CD180: variants seen among roughly 807,000 people sequenced by gnomAD.
CD180 encodes the protein CD180 antigen.
A neutral mutation model predicts 10.7 loss-of-function variants in CD180; 11 were observed. That is an observed-to-expected ratio of 1.03 (90% confidence interval 0.65 to 1.70). The LOEUF is 1.70. Ranked by LOEUF, CD180 falls within the 40% of genes most tolerant of loss-of-function variation. CD180 has a pLI of 0.00. For missense variants in CD180, 729 were observed against 775.2 expected (o/e 0.94, Z 0.71); for synonymous variants, 286 against 294.6 (o/e 0.97, Z 0.30).
intron 1 of CD180, among the ~76,000 whole-genome samples, chr5:67,189,811 TTGAG>T (rs911535443): frequency 6.6e-6 from 1 of 152,132 alleles, no homozygotes. Flanking sequence ...TTCTGTTTGA[TTGAG>T]AGTACACTAC....
At position 67,185,954 on chromosome 5, in the gene CD180, G is replaced by A; in HGVS notation, c.154C>T (p.Pro52Ser). 1.2e-6 allele frequency: 2 copies of A among 1,611,108 alleles called. No individual in the cohort carries two copies. Among genetic ancestry groups the A allele is most frequent in the Non-Finnish European group, 1.7e-6 (2 of 1,178,526 alleles). Residue 52 changes from proline (P) to serine (S), a missense_variant, in exon 2 of 3, where the codon CCA becomes TCA. Coordinates refer to ENST00000256447, the MANE Select transcript of CD180 (RefSeq NM_005582.3). ...LGLSEIPDTL[P>S]NTTEFLEFSF... ...AATTCCAAAAATTCTGTTGTGTTTG[G>A]TAGAGTGTCAGGGATTTCACTGAGA... is the stretch of plus-strand genomic sequence containing the variant.
At chr5:67,188,157 A>G (rs1742237041) in intron 1 of CD180, among the ~76,000 whole-genome samples, 1 of 149,078 alleles carries the variant, frequency 6.7e-6, no homozygotes, top group Admixed American at 6.7e-5. Context: ...CCACAGAGTG[A>G]GACTCTGCCT....
rs930792853 is a variant in CD180 at position 67,184,671 on chromosome 5, T to C, written c.258-86A>G. ...AGTGACACACATTAACAAAGTCATC[T>C]TTTGTATCATTCAAAATCAAATATA... On this transcript the variant is annotated intron_variant, in intron 2 of 2. Transcript: ENST00000256447. 4 of 1,101,336 alleles carry C rather than the reference T, an allele frequency of 3.6e-6. No individual in the cohort carries two copies. The African/African-American group carries it at 4.7e-5, about 13-fold the overall frequency. 68.2% of individuals were successfully genotyped at this position (1,101,336 alleles called of 1,614,324 possible).
In CD180 at chr5:67,184,962, A is replaced by G. The variant is rs1183654138; in HGVS notation, c.258-377T>C. ...GTATAAAATACATATATATATACAC[A>G]CACAAAAATCTGTGTCATCCCGGGC... On this transcript the variant is annotated intron_variant, in intron 2 of 2. Transcript: ENST00000256447. 2.0e-5 allele frequency among the ~76,000 whole-genome samples: 3 copies of G among 152,106 alleles called. No homozygotes were observed. The South Asian group carries it at 6.2e-4, about 32-fold the overall frequency.
rs1742003409 is a variant in CD180, at chr5:67,179,760, T to C, written c.*3097A>G. The C allele has an allele frequency of 6.6e-6, 1 of 152,238 alleles. No individual in the cohort carries two copies. Among genetic ancestry groups the C allele is most frequent in the African/African-American group, 2.4e-5 (1 of 41,462 alleles). 9.4% of individuals were successfully genotyped at this position (152,238 alleles called of 1,614,324 possible). A position where few individuals can be genotyped will look rare whatever the true frequency, so the allele number is the denominator to read the frequency against. Reference sequence around the variant, plus strand: ...CTGTGCTGTACTAAGCAGTGGCTGCTGGCACAGGGAAAGGTGTAATTCTCT... The same window carrying C: ...CTGTGCTGTACTAAGCAGTGGCTGCCGGCACAGGGAAAGGTGTAATTCTCT... On this transcript the variant is annotated 3_prime_UTR_variant, in exon 3 of 3. Coordinates refer to ENST00000256447, the MANE Select transcript of CD180 (RefSeq NM_005582.3).
chr5:67,193,038 T>C (rs1426594276), intron 1 of CD180, among the ~76,000 whole-genome samples: 2 of 152,136 alleles, frequency 1.3e-5, no homozygotes, highest in African/African-American at 2.4e-5. Context: ...GGAAGCTGAG[T>C]GGGAAAATTT....
At position 67,181,735 on chromosome 5, in the gene CD180, G is replaced by C. The variant is rs911468869; in HGVS notation, c.*1122C>G. On this transcript the variant is annotated 3_prime_UTR_variant, in exon 3 of 3. Transcript: ENST00000256447. ...GGCCTGTGTGAGTATGGCCCTTTAA[G>C]CCTAAGTCATGACATTGCTCTTTGT... The C allele has an allele frequency of 1.3e-5, 2 of 152,130 alleles. No homozygotes were observed. The highest frequency in any genetic ancestry group is 4.8e-5 in the African/African-American group (2 of 41,422). The allele number at this position is 152,130 out of a possible 1,614,324, so 9.4% of individuals were successfully genotyped here.
chr5:67,181,186 G>A lies in CD180; in HGVS notation c.*1671C>T, dbSNP rs1335089382. On this transcript the variant is annotated 3_prime_UTR_variant, in exon 3 of 3. Coordinates refer to ENST00000256447, the MANE Select transcript of CD180 (RefSeq NM_005582.3). ...ACAAGAGAAACTAATTAAAACAAAT[G>A]AAGAAGTTAATTCCAAACACTGATA... 1 of 152,116 alleles carries A rather than the reference G, an allele frequency of 6.6e-6. No homozygotes were observed. Among genetic ancestry groups the A allele is most frequent in the East Asian group, 1.9e-4 (1 of 5,202 alleles). 9.4% of individuals were successfully genotyped at this position (152,116 alleles called of 1,614,324 possible).
chr5:67,186,382 A>C (rs1742194789), intron 1 of CD180: 1 of 158,394 alleles, frequency 6.3e-6, no homozygotes, highest in Admixed American at 6.4e-5. Flanking sequence ...CAATATATGT[A>C]GTGTATATAG....
In CD180 at chr5:67,182,855, C is replaced by T; in HGVS notation, c.*2G>A. 1 of 1,594,722 alleles carries T rather than the reference C, an allele frequency of 6.3e-7. No individual in the cohort carries two copies. ...ATTTGCTTTCTCTGGAAACCTTCAG[C>T]ACTAAATGTGTTGGTATTTCCACCT... On this transcript the variant is annotated 3_prime_UTR_variant, in exon 3 of 3. Coordinates refer to ENST00000256447, the MANE Select transcript of CD180 (RefSeq NM_005582.3).
Position 67,183,792 on chromosome 5 carries a change from A to G in CD180, c.1051T>C (p.Tyr351His). 1 of 1,614,150 alleles carries G rather than the reference A, an allele frequency of 6.2e-7. No homozygotes were observed. The highest frequency in any genetic ancestry group is 8.5e-7 in the Non-Finnish European group (1 of 1,179,990). The change falls in exon 3 of 3, where the codon TAC (tyrosine) becomes CAC (histidine). Residue 351 changes from tyrosine (Y) to histidine (H), a missense_variant. Physicochemically the swap from Tyr to His is moderately conservative, Grantham distance 83. Coordinates refer to ENST00000256447, the MANE Select transcript of CD180 (RefSeq NM_005582.3). ...AANFPSLTHL[Y>H]IRGNVKKLHL... is the part of the protein sequence containing the mutation. ...AGTTTCTTCACGTTGCCTCTGATGT[A>G]GAGGTGTGTAAGGGAGGGGAAATTG...
At chr5:67,196,290 T>C (rs1742402449) in intron 1 of CD180, among the ~76,000 whole-genome samples, 3 of 152,174 alleles carry the variant, frequency 2.0e-5, no homozygotes, top group Non-Finnish European at 2.9e-5. Flanking sequence ...ATTAATATCT[T>C]ATGACCCACT....
intron 1 of CD180, among the ~76,000 whole-genome samples, chr5:67,192,264 C>CACCTA (rs1212633161): frequency 2.6e-4 from 40 of 152,094 alleles, no homozygotes; most frequent in African/African-American, 9.4e-4. Context: ...GTGGTGGGCG[C>CACCTA]CTGTAGTCCC....
Position 67,196,676 on chromosome 5 carries a change from G to T in CD180, c.-35C>A, listed in dbSNP as rs1742412143. On this transcript the variant is annotated 5_prime_UTR_variant, in exon 1 of 3. Transcript: ENST00000256447. ...GGATTGCTTGGTGGGTTTACCTAAT[G>T]CTTGGAGCTGAGAAATGGAATCAAA... 1.2e-6 allele frequency: 2 copies of T among 1,613,464 alleles called. No individual in the cohort carries two copies. Among genetic ancestry groups the T allele is most frequent in the Non-Finnish European group, 1.7e-6 (2 of 1,179,700 alleles).
At position 67,185,842 on chromosome 5, in the gene CD180, G is replaced by A. The variant is rs1265583836; in HGVS notation, c.257+9C>T. 1.3e-6 allele frequency: 2 copies of A among 1,576,218 alleles called. No homozygotes were observed. Among genetic ancestry groups the A allele is most frequent in the Admixed American group, 1.8e-5 (1 of 54,608 alleles). On this transcript the variant is annotated intron_variant, in intron 2 of 2. Transcript: ENST00000256447. ...AATAAAAGAGCACACAAATAACTCA[G>A]ATACATACCTAGTTAAATCCAAAAA...
chr5:67,189,527 T>C (rs1485504626), intron 1 of CD180, among the ~76,000 whole-genome samples: 2 of 152,210 alleles, frequency 1.3e-5, no homozygotes, highest in Non-Finnish European at 2.9e-5. Context: ...CTTTGATTTC[T>C]AGGAGAAAGA....
At chr5:67,189,800 A>G (rs919173523) in intron 1 of CD180, among the ~76,000 whole-genome samples, 2 of 152,154 alleles carry the variant, frequency 1.3e-5, no homozygotes, top group African/African-American at 4.8e-5. Context: ...TATTCTTCAC[A>G]TTCTGTTTGA....
At chr5:67,189,315 CAGG>C (rs1032596500) in intron 1 of CD180, among the ~76,000 whole-genome samples, 7 of 152,250 alleles carry the variant, frequency 4.6e-5, no homozygotes, top group African/African-American at 1.7e-4. Context: ...ATTGAGAATC[CAGG>C]AGGAGCTCTG....
In CD180 at chr5:67,181,414, G is replaced by T. The variant is rs1023509231; in HGVS notation, c.*1443C>A. 3 of 152,202 alleles carry T rather than the reference G, an allele frequency of 2.0e-5. No individual in the cohort carries two copies. Among genetic ancestry groups the T allele is most frequent in the East Asian group, 1.9e-4 (1 of 5,182 alleles). The allele number at this position is 152,202 out of a possible 1,614,324, so 9.4% of individuals were successfully genotyped here. ...CCTGAAATCCCTGAGCAGAGAAGAG[G>T]TTCACCCACTGCTGTTCCCTGCCTG... On this transcript the variant is annotated 3_prime_UTR_variant, in exon 3 of 3. Transcript: ENST00000256447.
Sources: allele counts gnomAD v4.1 joint callset (sites outside exome capture counted in the v4.1 genomes callset), GRCh38; gene constraint gnomAD v4.1.1; transcripts MANE v1.5; gene names NCBI Gene and HGNC (gene_info 2026-07-23, HGNC 2026-07-21).